CDYL2: variants seen among roughly 807,000 people sequenced by gnomAD.
The protein encoded by CDYL2 is chromodomain Y-like protein 2.
In CDYL2, 23 loss-of-function variants were observed where a neutral mutation model predicts 49.4. The observed-to-expected ratio is 0.47, with a 90% CI of 0.34 to 0.66. The LOEUF is 0.66. Among genes scored for constraint, CDYL2 ranks in the 30% least tolerant of loss-of-function variants. CDYL2 has a pLI of 0.01. For missense variants in CDYL2, 678 were observed against 656.4 expected (o/e 1.03, Z -0.36); for synonymous variants, 360 against 268.8 (o/e 1.34, Z -3.32).
chr16:80,670,625 G>A (rs1015900074), intron 2 of CDYL2, among the ~76,000 whole-genome samples: 1 of 152,122 alleles, frequency 6.6e-6, no homozygotes, highest in Non-Finnish European at 1.5e-5. Flanking sequence ...TTCTCACCAG[G>A]AGGCCCTCAG....
intron 1 of CDYL2, among the ~76,000 whole-genome samples, chr16:80,749,116 TG>T (rs1256954777): frequency 1.3e-5 from 2 of 151,538 alleles, no homozygotes; most frequent in Admixed American, 1.3e-4. Context: ...ATATTAAGAG[TG>T]GGGAATGATT....
At chr16:80,718,637 T>A (rs1904892698) in intron 1 of CDYL2, among the ~76,000 whole-genome samples, 1 of 152,118 alleles carries the variant, frequency 6.6e-6, no homozygotes, top group African/African-American at 2.4e-5. Context: ...AGAATGCAGC[T>A]GAAGGAGCTG....
intron 2 of CDYL2, among the ~76,000 whole-genome samples, chr16:80,665,028 A>T (rs1405205726): frequency 1.3e-5 from 2 of 152,190 alleles, no homozygotes; most frequent in African/African-American, 4.8e-5. Context: ...ATACCCCCAG[A>T]ACGAGGCATG....
chr16:80,623,559 G>C (rs1048498798), intron 3 of CDYL2, among the ~76,000 whole-genome samples: 1 of 152,214 alleles, frequency 6.6e-6, no homozygotes, highest in African/African-American at 2.4e-5. Flanking sequence ...TTGGACCCCA[G>C]CCCAGACCGA....
Position 80,607,667 on chromosome 16 carries a change from C to A in CDYL2, c.1362+425G>T, listed in dbSNP as rs78250016. Among the ~76,000 whole-genome samples the A allele has an allele frequency of 2.4e-4, 37 of 152,324 alleles. 1 individual carries two copies. The East Asian group carries it at 6.9e-3, about 29-fold the overall frequency. On this transcript the variant is annotated intron_variant, in intron 6 of 6. Transcript: ENST00000570137. ...GTGACATTTAAATGTGACGAGCAGT[C>A]GGTGGAGAAAACAAATGAAATAGAG...
intron 1 of CDYL2, among the ~76,000 whole-genome samples, chr16:80,699,159 T>C (rs1471843765): frequency 1.3e-5 from 2 of 152,198 alleles, no homozygotes; most frequent in Admixed American, 6.5e-5. Context: ...CTACTGGGTA[T>C]ATATCCAAAG....
chr16:80,782,803 T>A (rs982365692), intron 1 of CDYL2, among the ~76,000 whole-genome samples: 4 of 152,074 alleles, frequency 2.6e-5, no homozygotes, highest in African/African-American at 4.8e-5. Flanking sequence ...TACCCTATTA[T>A]GATTAAAAAT....
At chr16:80,675,140 G>C (rs1032510146) in intron 2 of CDYL2, among the ~76,000 whole-genome samples, 14 of 152,228 alleles carry the variant, frequency 9.2e-5, no homozygotes, top group Admixed American at 2.6e-4. Flanking sequence ...GTGTTGGCCA[G>C]AACAATGCCC....
chr16:80,773,969 GA>G (rs1468762348), intron 1 of CDYL2, among the ~76,000 whole-genome samples: 3 of 152,082 alleles, frequency 2.0e-5, no homozygotes, highest in African/African-American at 7.2e-5. Flanking sequence ...GCAAGGAAGA[GA>G]ATATTAAGAA....
At chr16:80,651,220 T>C (rs569150372) in intron 2 of CDYL2, among the ~76,000 whole-genome samples, 12 of 152,278 alleles carry the variant, frequency 7.9e-5, no homozygotes, top group Admixed American at 6.5e-4. Flanking sequence ...CATGTACCCA[T>C]ACATTTATAT....
chr16:80,801,387 A>C (rs1261222677), intron 1 of CDYL2, among the ~76,000 whole-genome samples: 1 of 152,250 alleles, frequency 6.6e-6, no homozygotes. Context: ...GTCTTTAAAA[A>C]TCAGCACCTA....
rs941082263 is a variant in CDYL2 at position 80,685,148 on chromosome 16, G to C, written c.25-19C>G. The C allele has an allele frequency of 1.2e-5, 19 of 1,579,694 alleles. No individual in the cohort carries two copies. The highest frequency in any genetic ancestry group is 1.6e-5 in the Non-Finnish European group (19 of 1,157,652). ...TTTCAACCTGCGATACAAGATGAGA[G>C]GGTCAGAAAACAGAGAGAGAGGGAG... On this transcript the variant is annotated intron_variant, in intron 1 of 6. Transcript: ENST00000570137.
chr16:80,754,975 C>G (rs1906260323), intron 1 of CDYL2, among the ~76,000 whole-genome samples: 1 of 151,736 alleles, frequency 6.6e-6, no homozygotes, highest in South Asian at 2.1e-4. Flanking sequence ...GGAACTTGGG[C>G]AGTCACCCAC....
Position 80,598,036 on chromosome 16 carries a change from A to G in CDYL2, c.*6352T>C, listed in dbSNP as rs1022218958. 1 of 152,232 alleles carries G rather than the reference A, an allele frequency of 6.6e-6. No individual in the cohort carries two copies. Among genetic ancestry groups the G allele is most frequent in the Admixed American group, 6.5e-5 (1 of 15,286 alleles). The allele number at this position is 152,232 out of a possible 1,614,324, so 9.4% of individuals were successfully genotyped here. On this transcript the variant is annotated 3_prime_UTR_variant, in exon 7 of 7. Coordinates refer to ENST00000570137, the MANE Select transcript of CDYL2 (RefSeq NM_152342.4). Reference sequence around the variant, plus strand: ...ACACGTTACAGGACCATTCACAAAGAGAGTGTACAATTTGCTCTAGACAGT... The same window carrying G: ...ACACGTTACAGGACCATTCACAAAGGGAGTGTACAATTTGCTCTAGACAGT...
At chr16:80,632,456 T>C (rs952278957) in intron 3 of CDYL2, among the ~76,000 whole-genome samples, 16 of 152,186 alleles carry the variant, frequency 1.1e-4, no homozygotes, top group Non-Finnish European at 5.9e-5. Context: ...GGTTTCTCCT[T>C]GGGGTGATGA....
At chr16:80,653,136 G>A (rs1300608748) in intron 2 of CDYL2, among the ~76,000 whole-genome samples, 7 of 152,182 alleles carry the variant, frequency 4.6e-5, no homozygotes, top group African/African-American at 9.7e-5. Context: ...GCTGTATTTC[G>A]TGTTCCAATT....
intron 1 of CDYL2, among the ~76,000 whole-genome samples, chr16:80,725,664 C>T (rs536849275): frequency 1.3e-5 from 2 of 152,218 alleles, no homozygotes; most frequent in African/African-American, 2.4e-5. Context: ...CCACAAGAAA[C>T]TCTGTACGAC....
chr16:80,784,492 C>T (rs184977649), intron 1 of CDYL2, among the ~76,000 whole-genome samples: 4 of 152,168 alleles, frequency 2.6e-5, no homozygotes, highest in East Asian at 1.9e-4. Context: ...CCCAGTAACA[C>T]ACTTAAAGTG....
chr16:80,683,056 G>T (rs988989748), intron 2 of CDYL2, among the ~76,000 whole-genome samples: 2 of 152,208 alleles, frequency 1.3e-5, no homozygotes, highest in Admixed American at 6.5e-5. Flanking sequence ...AGGGGAGCCA[G>T]CTCTGCACGT....
Sources: allele counts gnomAD v4.1 joint callset (sites outside exome capture counted in the v4.1 genomes callset), GRCh38; gene constraint gnomAD v4.1.1; transcripts MANE v1.5; gene names NCBI Gene and HGNC (gene_info 2026-07-23, HGNC 2026-07-21).